Variants in AGAP1 observed in about 807,000 individuals in gnomAD.
AGAP1 encodes ArfGAP with GTPase domain, ankyrin repeat and PH domain 1, also known as arf-GAP with GTPase, ANK repeat and PH domain-containing protein 1.
In AGAP1, 29 loss-of-function variants were observed where a neutral mutation model predicts 105.3. The ratio of observed to expected loss-of-function variants is 0.28; its 90% confidence interval spans 0.21 to 0.38. The LOEUF is 0.38. AGAP1 is among the 10% of genes least tolerant of loss of function. The pLI is 1.00. For missense variants in AGAP1, 998 were observed against 1,165.1 expected (o/e 0.86, Z 2.09); for synonymous variants, 509 against 485.9 (o/e 1.05, Z -0.63).
chr2:235,695,349 T>C (rs1253481516), intron 1 of AGAP1, among the ~76,000 whole-genome samples: 1 of 152,120 alleles, frequency 6.6e-6, no homozygotes, highest in Non-Finnish European at 1.5e-5. Context: ...TACAACAGGA[T>C]TGAAATTGGT....
intron 9 of AGAP1, among the ~76,000 whole-genome samples, chr2:235,860,317 T>C (rs1171654621): frequency 1.3e-5 from 2 of 152,208 alleles, no homozygotes; most frequent in Non-Finnish European, 2.9e-5. Flanking sequence ...GCGTTCGGTA[T>C]TTCCTTTAAC....
chr2:236,026,333 G>A (rs936950586), intron 13 of AGAP1, among the ~76,000 whole-genome samples: 2 of 152,218 alleles, frequency 1.3e-5, no homozygotes, highest in Non-Finnish European at 2.9e-5. Context: ...CAGACACCCG[G>A]CAGGTGGCAC....
In AGAP1 at chr2:235,716,320, AAG is replaced by A. The variant is rs1239169806; in HGVS notation, c.223-1232_223-1231del. On this transcript the variant is annotated intron_variant, in intron 2 of 17. Transcript: ENST00000304032. This position sits in a 1 kb window ranked among gnomAD's most constrained non-coding sequence, Gnocchi z 4.0. Reference sequence around the variant, plus strand: ...AGGCGGAAGCCAGTGTGAGAGTTGGAAGAGAGTGTCTTAACAGCAGCTGCTGG... The same window carrying A: ...AGGCGGAAGCCAGTGTGAGAGTTGGAAGAGTGTCTTAACAGCAGCTGCTGG... 1.3e-5 allele frequency among the ~76,000 whole-genome samples: 2 copies of A among 152,086 alleles called. No individual in the cohort carries two copies. Among genetic ancestry groups the A allele is most frequent in the Admixed American group, 6.6e-5 (1 of 15,266 alleles).
At chr2:235,836,907 C>G (rs1183645274) in intron 9 of AGAP1, among the ~76,000 whole-genome samples, 1 of 151,952 alleles carries the variant, frequency 6.6e-6, no homozygotes, top group Admixed American at 6.5e-5. Context: ...CTAGGTGATT[C>G]ACAATGCAGG....
chr2:235,636,699 T>C (rs1947014175), intron 1 of AGAP1, among the ~76,000 whole-genome samples: 1 of 152,116 alleles, frequency 6.6e-6, no homozygotes, highest in Non-Finnish European at 1.5e-5. Flanking sequence ...GTGTCATCAC[T>C]TGTTGGGGGT....
In AGAP1 at chr2:235,962,941, C is replaced by T. The variant is rs1216810237; in HGVS notation, c.1484-5521C>T. ...ACGTCTCCAGCCATTGCCAGAGGTC[C>T]TGGGTGGGGGTTCCTGGAGAACCGG... On this transcript the variant is annotated intron_variant, in intron 12 of 17. Coordinates refer to ENST00000304032, the MANE Select transcript of AGAP1 (RefSeq NM_001037131.3). The surrounding 1 kb of genome is among the most constrained non-coding windows in gnomAD (Gnocchi z 5.3). 1.3e-5 allele frequency among the ~76,000 whole-genome samples: 2 copies of T among 152,120 alleles called. No individual in the cohort carries two copies.
intron 11 of AGAP1, among the ~76,000 whole-genome samples, chr2:235,911,820 A>T (rs1392792480): frequency 4.6e-5 from 7 of 152,234 alleles, no homozygotes; most frequent in Non-Finnish European, 1.0e-4. Context: ...GCAACCCTCA[A>T]ACAGGTTAAT....
At position 236,078,588 on chromosome 2, in the gene AGAP1, G is replaced by C. The variant is rs768214386; in HGVS notation, c.2114+29307G>C. On this transcript the variant is annotated intron_variant, in intron 16 of 17. Coordinates refer to ENST00000304032, the MANE Select transcript of AGAP1 (RefSeq NM_001037131.3). The surrounding 1 kb of genome is among the most constrained non-coding windows in gnomAD (Gnocchi z 5.3). ...CATTTTATTGGGCACTTTTGCCTTT[G>C]AAAACGTAATCTCCCTAGATAAGTA... 9.2e-5 allele frequency among the ~76,000 whole-genome samples: 14 copies of C among 152,148 alleles called. No homozygotes were observed. Among genetic ancestry groups the C allele is most frequent in the Non-Finnish European group, 1.9e-4 (13 of 68,030 alleles).
At chr2:236,049,364 T>C (rs1428036573) in intron 16 of AGAP1, 83 bp downstream of exon 16, 3 of 1,286,638 alleles carry the variant, frequency 2.3e-6, no homozygotes, top group African/African-American at 3.0e-5. Flanking sequence ...ACAGCCACGG[T>C]TGGGAAGGCC....
intron 1 of AGAP1, 120 bp from the exon 2 acceptor site, chr2:235,709,059 G>A (rs952394629): frequency 3.1e-6 from 3 of 963,952 alleles, no homozygotes; most frequent in Admixed American, 1.7e-5. Flanking sequence ...GAGTGACACA[G>A]GGAGGCTTGT....
At chr2:236,030,032 C>A (rs188784922) in intron 13 of AGAP1, among the ~76,000 whole-genome samples, 63 of 152,344 alleles carry the variant, frequency 4.1e-4, no homozygotes, top group South Asian at 3.7e-3. Context: ...TCCCTTGCAC[C>A]TGGCCTGTGT....
Position 235,958,500 on chromosome 2 carries a change from C to G in AGAP1, c.1484-9962C>G, listed in dbSNP as rs2054045235. Reference sequence around the variant, plus strand: ...CAGAGACTCATCTCTTGAATATCACCCGGGATATCAAAAACCTATCAGCAC... The same window carrying G: ...CAGAGACTCATCTCTTGAATATCACGCGGGATATCAAAAACCTATCAGCAC... On this transcript the variant is annotated intron_variant, in intron 12 of 17. Coordinates refer to ENST00000304032, the MANE Select transcript of AGAP1 (RefSeq NM_001037131.3). This position sits in a 1 kb window ranked among gnomAD's most constrained non-coding sequence, Gnocchi z 4.1. Among the ~76,000 whole-genome samples the G allele has an allele frequency of 6.6e-6, 1 of 152,094 alleles. No homozygotes were observed. The highest frequency in any genetic ancestry group is 6.5e-5 in the Admixed American group (1 of 15,284).
At chr2:235,819,891 T>G (rs1232924690) in intron 9 of AGAP1, among the ~76,000 whole-genome samples, 1 of 144,438 alleles carries the variant, frequency 6.9e-6, no homozygotes, top group Non-Finnish European at 1.5e-5. Context: ...GCTTTTTTTT[T>G]TCTTCTTTCT....
At chr2:235,999,175 AATGGTG>A (rs1193873759) in intron 13 of AGAP1, among the ~76,000 whole-genome samples, 2 of 69,798 alleles carry the variant, frequency 2.9e-5, no homozygotes, top group Admixed American at 2.8e-4. Context: ...TGATGATGAT[AATGGTG>A]ATGGTGATGA....
chr2:235,842,182 G>T lies in AGAP1; in HGVS notation c.1050+34851G>T, dbSNP rs1960939778. 6.6e-6 allele frequency among the ~76,000 whole-genome samples: 1 copy of T among 152,200 alleles called. No homozygotes were observed. Among genetic ancestry groups the T allele is most frequent in the Non-Finnish European group, 1.5e-5 (1 of 68,032 alleles). ...CTTAGTTCTGGAGCACAGACTCCGTGCTCTGGAGCAAGAGTTCTTCACTGT... is the reference window on the plus strand; with the variant it reads ...CTTAGTTCTGGAGCACAGACTCCGTTCTCTGGAGCAAGAGTTCTTCACTGT... On this transcript the variant is annotated intron_variant, in intron 9 of 17. Coordinates refer to ENST00000304032, the MANE Select transcript of AGAP1 (RefSeq NM_001037131.3). This position sits in a 1 kb window ranked among gnomAD's most constrained non-coding sequence, Gnocchi z 5.3.
chr2:235,836,368 G>A (rs1406098037), intron 9 of AGAP1, among the ~76,000 whole-genome samples: 1 of 152,208 alleles, frequency 6.6e-6, no homozygotes, highest in Non-Finnish European at 1.5e-5. Context: ...TGGCCCTGCA[G>A]AATCCTTTGG....
At chr2:236,021,123 G>A (rs2056868767) in intron 13 of AGAP1, among the ~76,000 whole-genome samples, 1 of 145,508 alleles carries the variant, frequency 6.9e-6, no homozygotes, top group Non-Finnish European at 1.5e-5. Flanking sequence ...CCAAGATCGT[G>A]CCACTACACT....
Position 235,978,366 on chromosome 2 carries a change from A to T in AGAP1, c.1645+9743A>T, listed in dbSNP as rs563536225. ...AGGTCAGAAACTGCTTGGACAGATC[A>T]CAGCTGTCCTTTCCCCTTCACTCTT... On this transcript the variant is annotated intron_variant, in intron 13 of 17. Coordinates refer to ENST00000304032, the MANE Select transcript of AGAP1 (RefSeq NM_001037131.3). 5.7e-4 allele frequency among the ~76,000 whole-genome samples: 87 copies of T among 152,246 alleles called. 1 individual carries two copies. Among genetic ancestry groups the T allele is most frequent in the South Asian group, 3.7e-3 (18 of 4,818 alleles).
chr2:235,751,207 G>A lies in AGAP1; in HGVS notation c.673+719G>A, dbSNP rs1005706649. ...GGGCGGGAGAGGTGGCGTCACCCTGGGGATAGGAGGGTCTGGGGTAAATAA... is the reference window on the plus strand; with the variant it reads ...GGGCGGGAGAGGTGGCGTCACCCTGAGGATAGGAGGGTCTGGGGTAAATAA... On this transcript the variant is annotated intron_variant, in intron 6 of 17. Transcript: ENST00000304032. The surrounding 1 kb of genome is among the most constrained non-coding windows in gnomAD (Gnocchi z 5.3). Among the ~76,000 whole-genome samples, 10 of 152,126 alleles carry A rather than the reference G, an allele frequency of 6.6e-5. No homozygotes were observed. Among genetic ancestry groups the A allele is most frequent in the African/African-American group, 1.4e-4 (6 of 41,418 alleles).
Sources: allele counts gnomAD v4.1 joint callset (sites outside exome capture counted in the v4.1 genomes callset), GRCh38; gene constraint gnomAD v4.1.1; non-coding constraint Gnocchi (gnomAD v3.1); transcripts MANE v1.5; gene names NCBI Gene and HGNC (gene_info 2026-07-23, HGNC 2026-07-21).